ADGRL1: variants seen among roughly 807,000 people sequenced by gnomAD.
ADGRL1 encodes adhesion G protein-coupled receptor L1, also known as CIRL-1.
In ADGRL1, 31 loss-of-function variants were observed where a neutral mutation model predicts 148.9. That is an observed-to-expected ratio of 0.21 (90% CI 0.16 to 0.28). The LOEUF (loss-of-function observed/expected upper bound fraction) is 0.28. Ranked by LOEUF, ADGRL1 falls within the 10% of genes least tolerant of loss-of-function variation. ADGRL1 has a pLI of 1.00. For missense variants in ADGRL1, 1,521 were observed against 2,058.8 expected (o/e 0.74, Z 5.05); for synonymous variants, 937 against 900.3 (o/e 1.04, Z -0.73).
In ADGRL1 at chr19:14,156,733, G is replaced by T. The variant is rs369584488; in HGVS notation, c.2967-9C>A. On this transcript the variant is annotated splice_polypyrimidine_tract_variant and intron_variant, in intron 15 of 22. Transcript: ENST00000361434. ...CCACTCGGAGCCAGCAGCTGTAAAG[G>T]AAACAGGGCCGGGGTATAGAGAGAA... The T allele has an allele frequency of 2.5e-6, 4 of 1,606,762 alleles. No homozygotes were observed. Among genetic ancestry groups the T allele is most frequent in the Non-Finnish European group, 3.4e-6 (4 of 1,176,718 alleles).
At position 14,149,746 on chromosome 19, in the gene ADGRL1, C is replaced by A; in HGVS notation, c.*1127G>T. 6.6e-6 allele frequency: 1 copy of A among 152,558 alleles called. No individual in the cohort carries two copies. 9.5% of individuals were successfully genotyped at this position (152,558 alleles called of 1,614,324 possible). On this transcript the variant is annotated 3_prime_UTR_variant, in exon 23 of 23. Coordinates refer to ENST00000361434, the MANE Select transcript of ADGRL1 (RefSeq NM_014921.5). ...TGCATCTAGATTTTGTTTTCTGTCT[C>A]TGGATTGTAAAAAGCTGCTCTGGCG... is the stretch of plus-strand genomic sequence containing the variant.
chr19:14,171,019 G>C (rs1970426880), intron 3 of ADGRL1: 2 of 487,338 alleles, frequency 4.1e-6, no homozygotes, highest in Non-Finnish European at 7.5e-6. Context: ...TTGGATCATG[G>C]GGGCAGTTTC....
intron 1 of ADGRL1, among the ~76,000 whole-genome samples, chr19:14,198,795 C>G (rs1193070797): frequency 6.6e-6 from 1 of 152,202 alleles, no homozygotes; most frequent in Non-Finnish European, 1.5e-5. Context: ...CCTCCTCCCC[C>G]TCCAGGTTGC....
chr19:14,160,828 A>T lies in ADGRL1; in HGVS notation c.1511-132T>A. 1.4e-6 allele frequency: 1 copy of T among 693,230 alleles called. No individual in the cohort carries two copies. Among genetic ancestry groups the T allele is most frequent in the Non-Finnish European group, 2.6e-6 (1 of 380,308 alleles). The allele number at this position is 693,230 out of a possible 1,614,324, so 42.9% of individuals were successfully genotyped here. On this transcript the variant is annotated intron_variant, in intron 6 of 22. Transcript: ENST00000361434. This position sits in a 1 kb window ranked among gnomAD's most constrained non-coding sequence, Gnocchi z 5.9. Reference sequence around the variant, plus strand: ...GAAGAGGGAGGTGAGGGAAACACGGAGAAACAGACATGAAGCGGGCTGGAC... The same window carrying T: ...GAAGAGGGAGGTGAGGGAAACACGGTGAAACAGACATGAAGCGGGCTGGAC...
At position 14,156,209 on chromosome 19, in the gene ADGRL1, C is replaced by T. The variant is rs757471301; in HGVS notation, c.3034-8G>A. On this transcript the variant is annotated splice_region_variant and splice_polypyrimidine_tract_variant and intron_variant, in intron 16 of 22. Transcript: ENST00000361434. The stretch of plus-strand genomic sequence containing the variant: ...GAGGAACACCAGGTTGACCTGGGGG[C>T]GGGACAAGGGGCAGGCTGGGCTGAG... The T allele has an allele frequency of 6.2e-6, 10 of 1,607,466 alleles. No individual in the cohort carries two copies. The highest frequency in any genetic ancestry group is 4.4e-5 in the South Asian group (4 of 90,012).
chr19:14,155,326 A>C lies in ADGRL1; in HGVS notation c.3294+33T>G, dbSNP rs1171295188. ...GGTACCCAGGAAACGTCTCCAAGGG[A>C]GGCTGTGACCCAGGACCCCGCCTCG... is the stretch of plus-strand genomic sequence containing the variant. On this transcript the variant is annotated intron_variant, in intron 18 of 22. Coordinates refer to ENST00000361434, the MANE Select transcript of ADGRL1 (RefSeq NM_014921.5). The surrounding 1 kb of genome is among the most constrained non-coding windows in gnomAD (Gnocchi z 5.0). 4 of 1,606,958 alleles carry C rather than the reference A, an allele frequency of 2.5e-6. No homozygotes were observed. Among genetic ancestry groups the C allele is most frequent in the Non-Finnish European group, 3.4e-6 (4 of 1,175,430 alleles).
Position 14,160,283 on chromosome 19 carries a change from C to G in ADGRL1, c.1629G>C (p.Glu543Asp), listed in dbSNP as rs1322308579. The G allele has an allele frequency of 1.9e-6, 3 of 1,591,048 alleles. No homozygotes were observed. The highest frequency in any genetic ancestry group is 2.7e-5 in the African/African-American group (2 of 74,544). ...NQVAQKIKSG[E>D]NAANIASELA... is the part of the protein sequence containing the mutation. ...GCTCGCTGGCGATGTTGGCCGCGTTCTCCCCACTCTTGATCTGCATGAGGT... is the reference window on the plus strand; with the variant it reads ...GCTCGCTGGCGATGTTGGCCGCGTTGTCCCCACTCTTGATCTGCATGAGGT... Residue 543 changes from glutamate to aspartate, a missense_variant, in exon 8 of 23, where the codon GAG (glutamate) becomes GAC (aspartate). Around this residue, in one of 8 missense-constraint regions of ADGRL1, gnomAD observed 270 missense variants for 320.4 expected, o/e 0.84. Coordinates refer to ENST00000361434, the MANE Select transcript of ADGRL1 (RefSeq NM_014921.5). This position sits in a 1 kb window ranked among gnomAD's most constrained non-coding sequence, Gnocchi z 5.9.
In ADGRL1 at chr19:14,152,011, TG is replaced by T; in HGVS notation, c.3667+121del. On this transcript the variant is annotated intron_variant, in intron 22 of 22. Transcript: ENST00000361434. The surrounding 1 kb of genome is among the most constrained non-coding windows in gnomAD (Gnocchi z 6.1). ...CTGCCAGAGGCTGTGTGTCGGGGGG[TG>T]GGGAAATGTGGGCATGGGGAGGCAT... is the stretch of plus-strand genomic sequence containing the variant. The T allele has an allele frequency of 1.2e-6, 1 of 866,730 alleles. No homozygotes were observed. Among genetic ancestry groups the T allele is most frequent in the Non-Finnish European group, 1.9e-6 (1 of 521,544 alleles). The allele number at this position is 866,730 out of a possible 1,614,324, so 53.7% of individuals were successfully genotyped here.
rs1262384221 is a variant in ADGRL1 at position 14,157,331 on chromosome 19, T to C, written c.2665A>G (p.Thr889Ala). Residue 889 changes from threonine (T) to alanine (A), a missense_variant, in exon 14 of 23, where the codon ACC (threonine) becomes GCC (alanine). By Grantham distance (58) the Thr-to-Ala change is moderately conservative. This residue lies in a region of ADGRL1 where 265 missense variants were observed against 431.9 expected (regional missense o/e 0.61). Transcript: ENST00000361434. The surrounding 1 kb of genome is among the most constrained non-coding windows in gnomAD (Gnocchi z 7.5). Reference protein sequence around the residue: ...FLRGLQTDRNTIHKNLCINLF... With the variant: ...FLRGLQTDRNAIHKNLCINLF... ...TTGATGCACAGGTTCTTGTGGATGG[T>C]GTTGCGGTCGGTCTGCAGCCCCCGC... The C allele has an allele frequency of 3.7e-6, 6 of 1,614,084 alleles. No individual in the cohort carries two copies. Among genetic ancestry groups the C allele is most frequent in the Non-Finnish European group, 5.1e-6 (6 of 1,179,996 alleles).
intron 1 of ADGRL1, among the ~76,000 whole-genome samples, chr19:14,190,038 G>A (rs1971831788): frequency 1.3e-5 from 2 of 151,810 alleles, no homozygotes; most frequent in East Asian, 1.9e-4. Context: ...AGCAATTCTC[G>A]TGCCTCAGCC....
chr19:14,156,018 A>G (rs1968697335), intron 17 of ADGRL1, 92 bp downstream of exon 17: 2 of 939,480 alleles, frequency 2.1e-6, no homozygotes, highest in South Asian at 1.4e-5. Context: ...CAGAGGTGAC[A>G]GCACTACCTT....
At chr19:14,184,272 A>G (rs1993873) in intron 1 of ADGRL1, among the ~76,000 whole-genome samples, 30,856 of 152,006 alleles carry the variant, frequency 0.2, 3,254 homozygotes, top group South Asian at 0.26. Flanking sequence ...CCTTCAGGGT[A>G]AGCTGGAGAC....
rs1455560534 is a variant in ADGRL1, at chr19:14,152,116, G to C, written c.3667+17C>G. ...CTCCCAGCCTCAGAAACATCCCCAG[G>C]GAAGAGTCACACTTACTGGGTTCCC... On this transcript the variant is annotated intron_variant, in intron 22 of 22. Coordinates refer to ENST00000361434, the MANE Select transcript of ADGRL1 (RefSeq NM_014921.5). This position sits in a 1 kb window ranked among gnomAD's most constrained non-coding sequence, Gnocchi z 6.1. 1.2e-6 allele frequency: 2 copies of C among 1,611,388 alleles called. No homozygotes were observed. The highest frequency in any genetic ancestry group is 3.3e-5 in the Admixed American group (2 of 60,004).
intron 1 of ADGRL1, among the ~76,000 whole-genome samples, chr19:14,198,283 C>T (rs1370048489): frequency 2.0e-5 from 3 of 152,012 alleles, no homozygotes; most frequent in African/African-American, 4.8e-5. Flanking sequence ...GGATCTGGCT[C>T]GGGTGTTCAC....
rs572008446 is a variant in ADGRL1, at chr19:14,172,110, C to T, written c.285-1319G>A. ...GGGAAGATCTGTCTGTATCCATCCA[C>T]CTCATCCTCTTCTTTAAAAATAGAA... On this transcript the variant is annotated intron_variant, in intron 3 of 22. Coordinates refer to ENST00000361434, the MANE Select transcript of ADGRL1 (RefSeq NM_014921.5). 2.6e-5 allele frequency among the ~76,000 whole-genome samples: 4 copies of T among 152,282 alleles called. No homozygotes were observed. In the East Asian group the frequency reaches 7.7e-4, roughly 29 times the overall value.
At position 14,156,564 on chromosome 19, in the gene ADGRL1, T is replaced by TG. The variant is rs1404237126; in HGVS notation, c.3033+93dup. On this transcript the variant is annotated intron_variant, in intron 16 of 22. Transcript: ENST00000361434. Reference sequence around the variant, plus strand: ...TGGAGAGAGAGAGAGTGTGTGTGTGTGTGGGGGGGGTGGGGGGCGGGGGCA... The same window carrying TG: ...TGGAGAGAGAGAGAGTGTGTGTGTGTGGTGGGGGGGGTGGGGGGCGGGGGCA... The TG allele has an allele frequency of 2.5e-4, 131 of 518,950 alleles. No individual in the cohort carries two copies. The African/African-American group carries it at 2.5e-3, about 10-fold the overall frequency. The allele number at this position is 518,950 out of a possible 1,614,324, so 32.1% of individuals were successfully genotyped here. A position where few individuals can be genotyped will look rare whatever the true frequency, so the allele number is the denominator to read the frequency against.
intron 1 of ADGRL1, among the ~76,000 whole-genome samples, chr19:14,196,741 C>T (rs1972288179): frequency 6.6e-6 from 1 of 152,198 alleles, no homozygotes. Flanking sequence ...CTGCATCTTC[C>T]TTTTGGTCTT....
At chr19:14,181,548 G>A (rs1470714007) in intron 2 of ADGRL1, among the ~76,000 whole-genome samples, 5 of 152,040 alleles carry the variant, frequency 3.3e-5, no homozygotes, top group Non-Finnish European at 7.4e-5. Flanking sequence ...GTGAAACCCT[G>A]TCTCTACTAA....
rs75420640 is a variant in ADGRL1, at chr19:14,151,323, G to A, written c.3960C>T (p.Pro1320=). Residue 1320 remains proline, a synonymous_variant, in exon 23 of 23, where the codon CCC becomes CCT. Transcript: ENST00000361434. ...CAATCTCGGCCCGGTCAGCACCCCC[G>A]GGCCCGCCCGCCTCTTCCTCGCCCC... ...GGGGEEEAGG[P]GGADRAEIEL... 56 of 1,591,744 alleles carry A rather than the reference G, an allele frequency of 3.5e-5. No homozygotes were observed. The highest frequency in any genetic ancestry group is 4.6e-5 in the East Asian group (2 of 43,154).
Sources: gnomAD v4.1 joint callset for allele counts (sites outside exome capture counted in the v4.1 genomes callset) on GRCh38, gnomAD v4.1.1 for gene constraint, gnomAD v4.1.1 regional missense constraint, Gnocchi (gnomAD v3.1) non-coding constraint, MANE v1.5 for transcripts, NCBI Gene and HGNC (gene_info 2026-07-23, HGNC 2026-07-21) for gene names.